PRDM2: variants seen among roughly 807,000 people sequenced by gnomAD.
PRDM2 encodes PR domain zinc finger protein 2.
A neutral mutation model predicts 130.0 loss-of-function variants in PRDM2; 30 were observed. That is an observed-to-expected ratio of 0.23 (90% confidence interval 0.17 to 0.31). PRDM2 has a LOEUF of 0.31. Ranked by LOEUF, PRDM2 falls within the 10% of genes least tolerant of loss-of-function variation. The pLI, the probability that PRDM2 is intolerant of heterozygous loss-of-function variation, is 1.00. For synonymous variants in PRDM2, 871 were observed against 782.4 expected, an observed-to-expected ratio of 1.11 and a Z score of -1.89; for missense variants, 2,011 against 2,108.4, an observed-to-expected ratio of 0.95 and a Z score of 0.90.
At chr1:13,811,701 A>G (rs554849462) in intron 8 of PRDM2, among the ~76,000 whole-genome samples, 2 of 152,378 alleles carry the variant, frequency 1.3e-5, no homozygotes, top group African/African-American at 4.8e-5. Flanking sequence ...GCAACTCGAC[A>G]GGCAAGGTGA....
chr1:13,807,724 G>A (rs1365332813), intron 8 of PRDM2, among the ~76,000 whole-genome samples: 1 of 152,220 alleles, frequency 6.6e-6, no homozygotes. Context: ...TTGAGGCCAG[G>A]AACAGAGCAG....
At chr1:13,731,627 C>G (rs918739477) in intron 3 of PRDM2, among the ~76,000 whole-genome samples, 1 of 152,158 alleles carries the variant, frequency 6.6e-6, no homozygotes, top group Non-Finnish European at 1.5e-5. Flanking sequence ...GTGAGTGTAT[C>G]TAAATTCTTC....
intron 8 of PRDM2, among the ~76,000 whole-genome samples, chr1:13,786,187 C>A (rs999678543): frequency 2.0e-5 from 3 of 151,964 alleles, no homozygotes; most frequent in Non-Finnish European, 4.4e-5. Flanking sequence ...TCTTTTCAAA[C>A]CGAGTTCCCA....
chr1:13,703,738 G>A (rs1642131365), intron 1 of PRDM2, among the ~76,000 whole-genome samples: 1 of 152,200 alleles, frequency 6.6e-6, no homozygotes, highest in African/African-American at 2.4e-5. Flanking sequence ...TAAGCATATA[G>A]ACCATTATGC....
At chr1:13,810,501 T>TC (rs976188407) in intron 8 of PRDM2, among the ~76,000 whole-genome samples, 10 of 151,094 alleles carry the variant, frequency 6.6e-5, no homozygotes, top group Admixed American at 2.6e-4. Flanking sequence ...TCTTTTCTTT[T>TC]TTTTTTGTTT....
chr1:13,817,435 A>G (rs1268822676), intron 9 of PRDM2, among the ~76,000 whole-genome samples: 2 of 152,120 alleles, frequency 1.3e-5, no homozygotes, highest in Non-Finnish European at 2.9e-5. Context: ...AAAAACATGG[A>G]AACCAGACTT....
At chr1:13,764,355 A>T (rs766160829) in intron 6 of PRDM2, among the ~76,000 whole-genome samples, 4 of 152,232 alleles carry the variant, frequency 2.6e-5, no homozygotes, top group Admixed American at 1.3e-4. Context: ...AAAAAACGTG[A>T]GAAAGAAACC....
chr1:13,765,701 G>A (rs1282139911), intron 6 of PRDM2, among the ~76,000 whole-genome samples: 1 of 152,142 alleles, frequency 6.6e-6, no homozygotes, highest in Admixed American at 6.5e-5. Flanking sequence ...TCCTGACCTC[G>A]TGTTCTGCCT....
intron 8 of PRDM2, 100 bp downstream of exon 8, chr1:13,782,931 C>A: frequency 6.4e-7 from 1 of 1,553,006 alleles, no homozygotes; most frequent in Non-Finnish European, 8.7e-7. Flanking sequence ...TTTTTTTTTC[C>A]CCACTTAAAG....
chr1:13,818,772 A>T (rs532422837), intron 9 of PRDM2, among the ~76,000 whole-genome samples: 1 of 150,946 alleles, frequency 6.6e-6, no homozygotes, highest in East Asian at 2.0e-4. Flanking sequence ...AATAAAATCC[A>T]CTCTTGCCCA....
In PRDM2 at chr1:13,779,962, G is replaced by T. The variant is rs201228371; in HGVS notation, c.2167G>T (p.Ala723Ser). Residue 723 changes from alanine (A) to serine (S), a missense_variant, in exon 8 of 10, where the codon GCA (alanine) becomes TCA (serine). Around this residue, in one of 5 missense-constraint regions of PRDM2, gnomAD observed 1,288 missense variants for 1,237.7 expected, o/e 1.04. Coordinates refer to ENST00000311066, the MANE Select transcript of PRDM2 (RefSeq NM_001393986.1). This position sits in a 1 kb window ranked among gnomAD's most constrained non-coding sequence, Gnocchi z 4.9. ...AGGTCCTGTTTGTGTGTCTGCTCCT[G>T]CATCAATGTTGCCTGTGACCTCAAG... is the stretch of plus-strand genomic sequence containing the variant. ...KLGPVCVSAP[A>S]SMLPVTSSRF... The T allele has an allele frequency of 2.0e-4, 317 of 1,614,234 alleles. 1 individual carries two copies. Among genetic ancestry groups the T allele is most frequent in the Non-Finnish European group, 2.0e-5 (24 of 1,180,050 alleles).
chr1:13,812,687 T>A (rs1323307193), intron 8 of PRDM2, among the ~76,000 whole-genome samples: 2 of 152,208 alleles, frequency 1.3e-5, no homozygotes, highest in Admixed American at 6.5e-5. Flanking sequence ...GAGCCAAAAG[T>A]CTGACCGAAG....
At chr1:13,820,219 G>A (rs1645326800) in intron 9 of PRDM2, among the ~76,000 whole-genome samples, 2 of 152,152 alleles carry the variant, frequency 1.3e-5, no homozygotes, top group Admixed American at 6.5e-5. Flanking sequence ...TGGCCTTCTC[G>A]AAGGACCCAT....
chr1:13,804,710 G>A (rs576083316), intron 8 of PRDM2, among the ~76,000 whole-genome samples: 2 of 152,156 alleles, frequency 1.3e-5, no homozygotes, highest in African/African-American at 2.4e-5. Flanking sequence ...TGAAACCAAC[G>A]AAATCAGAAC....
At position 13,742,079 on chromosome 1, in the gene PRDM2, G is replaced by C. The variant is rs769853700; in HGVS notation, c.306G>C (p.Val102=). The change falls in exon 5 of 10, where the codon GTG becomes GTC. Residue 102 remains valine, a synonymous_variant. Transcript: ENST00000311066. ...AGAAGGGAAACTGGCTGCGATATGT[G>C]AATTGGGCTTGCTCAGGAGAAGAGC... ...DPEKGNWLRY[V]NWACSGEEQN... The C allele has an allele frequency of 2.5e-6, 4 of 1,610,174 alleles. No homozygotes were observed. The highest frequency in any genetic ancestry group is 1.3e-5 in the African/African-American group (1 of 74,826).
At chr1:13,717,914 G>A (rs1309346797) in intron 2 of PRDM2, among the ~76,000 whole-genome samples, 1 of 151,986 alleles carries the variant, frequency 6.6e-6, no homozygotes, top group Non-Finnish European at 1.5e-5. Flanking sequence ...AAAATTTTTA[G>A]CATCTTTTGT....
Position 13,806,888 on chromosome 1 carries a change from G to T in PRDM2, c.5037-9539G>T, listed in dbSNP as rs909703223. On this transcript the variant is annotated intron_variant, in intron 8 of 9. Transcript: ENST00000311066. This position sits in a 1 kb window ranked among gnomAD's most constrained non-coding sequence, Gnocchi z 4.1. The stretch of plus-strand genomic sequence containing the variant: ...TGGTGGGTCTCACCTCAGGGCCTTT[G>T]CACTTCCTGTCCCCACTTCCTGGAA... Among the ~76,000 whole-genome samples, 1 of 152,100 alleles carries T rather than the reference G, an allele frequency of 6.6e-6. No individual in the cohort carries two copies. Among genetic ancestry groups the T allele is most frequent in the Admixed American group, 6.6e-5 (1 of 15,266 alleles).
At chr1:13,783,443 A>G (rs2100680717) in intron 8 of PRDM2, among the ~76,000 whole-genome samples, 1 of 152,330 alleles carries the variant, frequency 6.6e-6, no homozygotes, top group South Asian at 2.1e-4. Context: ...TCTGGATGGG[A>G]AGCAGAGCAG....
At chr1:13,766,565 C>T (rs919954385) in intron 6 of PRDM2, among the ~76,000 whole-genome samples, 1 of 152,192 alleles carries the variant, frequency 6.6e-6, no homozygotes, top group Non-Finnish European at 1.5e-5. Context: ...GCACAACCCA[C>T]CTTGGTGAGT....
Sources: gnomAD v4.1 joint callset for allele counts (sites outside exome capture counted in the v4.1 genomes callset) on GRCh38, gnomAD v4.1.1 for gene constraint, gnomAD v4.1.1 regional missense constraint, Gnocchi (gnomAD v3.1) non-coding constraint, MANE v1.5 for transcripts, NCBI Gene and HGNC (gene_info 2026-07-23, HGNC 2026-07-21) for gene names.